The following CACNB2 variants were observed in gnomAD, a reference collection of about 807,000 sequenced individuals.
CACNB2 encodes the protein calcium voltage-gated channel auxiliary subunit beta 2.
A neutral mutation model predicts 73.3 loss-of-function variants in CACNB2; 42 were observed. The observed-to-expected ratio is 0.57, with a 90% CI of 0.45 to 0.74. The LOEUF is 0.74. Among genes scored for constraint, CACNB2 ranks in the 30% least tolerant of loss-of-function variants. The pLI, the probability that CACNB2 is intolerant of heterozygous loss-of-function variation, is 0.00. For missense variants in CACNB2, 940 were observed against 853.0 expected, an observed-to-expected ratio of 1.10 and a Z score of -1.27; for synonymous variants, 348 against 310.3, an observed-to-expected ratio of 1.12 and a Z score of -1.28.
intron 3 of CACNB2, among the ~76,000 whole-genome samples, chr10:18,418,395 A>G (rs960074220): frequency 9.2e-5 from 14 of 152,346 alleles, no homozygotes; most frequent in Middle Eastern, 3.4e-3. Flanking sequence ...CTGATTTCCT[A>G]CTAAAAATTA....
chr10:18,536,164 G>T lies in CACNB2; in HGVS notation c.1270G>T (p.Val424Leu). The T allele has an allele frequency of 6.2e-7, 1 of 1,604,194 alleles. No individual in the cohort carries two copies. The highest frequency in any genetic ancestry group is 8.5e-7 in the Non-Finnish European group (1 of 1,174,280). ...SQAKHLNVQM[V>L]AADKLAQCPP... ...AGCTAAACACCTCAACGTCCAGATGGTAGCAGCTGATAAACTGGCTCAGTG... is the reference window on the plus strand; with the variant it reads ...AGCTAAACACCTCAACGTCCAGATGTTAGCAGCTGATAAACTGGCTCAGTG... The change falls in exon 12 of 14, where the codon GTA becomes TTA. Residue 424 changes from valine (V) to leucine (L), a missense_variant. Coordinates refer to ENST00000324631, the MANE Select transcript of CACNB2 (RefSeq NM_201596.3).
intron 2 of CACNB2, among the ~76,000 whole-genome samples, chr10:18,308,826 T>TTGGG (rs1379158849): frequency 5.9e-5 from 9 of 152,204 alleles, no homozygotes; most frequent in Non-Finnish European, 1.3e-4. Context: ...GACAACTTTT[T>TTGGG]TGGGTGAACA....
chr10:18,429,153 AGAT>A (rs891533490), intron 3 of CACNB2, among the ~76,000 whole-genome samples: 28 of 152,202 alleles, frequency 1.8e-4, no homozygotes, highest in African/African-American at 6.8e-4. Flanking sequence ...TATTTATAGA[AGAT>A]AGTTTTGTTG....
chr10:18,420,350 G>T (rs772060197), intron 3 of CACNB2, among the ~76,000 whole-genome samples: 3 of 145,150 alleles, frequency 2.1e-5, no homozygotes, highest in Non-Finnish European at 4.6e-5. Context: ...GAGAGAGAGA[G>T]AAGTATATGG....
intron 2 of CACNB2, among the ~76,000 whole-genome samples, chr10:18,171,523 A>G (rs1200220061): frequency 9.8e-6 from 1 of 101,940 alleles, no homozygotes; most frequent in Non-Finnish European, 1.9e-5. Flanking sequence ...TGATAGCAGA[A>G]AAAAAAAAAA....
At chr10:18,445,840 C>G (rs1295572072) in intron 3 of CACNB2, among the ~76,000 whole-genome samples, 1 of 152,172 alleles carries the variant, frequency 6.6e-6, no homozygotes, top group Non-Finnish European at 1.5e-5. Flanking sequence ...TTGAGACCAG[C>G]CTGGTCAACA....
chr10:18,156,764 C>T (rs12246864), intron 2 of CACNB2, among the ~76,000 whole-genome samples: 5,072 of 152,034 alleles, frequency 0.033, 271 homozygotes, highest in African/African-American at 0.12. Context: ...CGTGGTGGCT[C>T]ACACCTGTAA....
At chr10:18,285,566 T>A (rs2038751012) in intron 2 of CACNB2, among the ~76,000 whole-genome samples, 1 of 152,198 alleles carries the variant, frequency 6.6e-6, no homozygotes, top group East Asian at 1.9e-4. Flanking sequence ...GTCAGAGTCC[T>A]CAAATGAAAA....
At chr10:18,491,271 A>G (rs2049406112) in intron 3 of CACNB2, among the ~76,000 whole-genome samples, 1 of 152,242 alleles carries the variant, frequency 6.6e-6, no homozygotes, top group African/African-American at 2.4e-5. Context: ...CCCCAGGGCC[A>G]TGATGCTGGA....
At chr10:18,448,497 AAAAAG>A (rs1222775786) in intron 3 of CACNB2, among the ~76,000 whole-genome samples, 3 of 141,470 alleles carry the variant, frequency 2.1e-5, no homozygotes. Flanking sequence ...AAAAAAAAAA[AAAAAG>A]AAAAGAAAAG....
At chr10:18,220,237 A>AGAGAGGGGGGGG (rs2035725098) in intron 2 of CACNB2, among the ~76,000 whole-genome samples, 10 of 48,440 alleles carry the variant, frequency 2.1e-4, no homozygotes, top group African/African-American at 1.2e-3. Context: ...ATATATAGAG[A>AGAGAGGGGGGGG]GAGAGAGAGA....
At chr10:18,477,525 A>G (rs2048500685) in intron 3 of CACNB2, among the ~76,000 whole-genome samples, 1 of 152,194 alleles carries the variant, frequency 6.6e-6, no homozygotes, top group African/African-American at 2.4e-5. Flanking sequence ...AGTCTCTGTG[A>G]CAGGTCTCAA....
chr10:18,366,893 T>A (rs1487132135), intron 2 of CACNB2, among the ~76,000 whole-genome samples: 2 of 152,234 alleles, frequency 1.3e-5, no homozygotes, highest in East Asian at 3.8e-4. Flanking sequence ...TGTCTTTTGG[T>A]GTCTGAGAGC....
In CACNB2 at chr10:18,539,332, C is replaced by G. The variant is rs202152674; in HGVS notation, c.1591C>G (p.Arg531Gly). The G allele has an allele frequency of 6.2e-6, 10 of 1,613,988 alleles. No homozygotes were observed. In the Admixed American group the frequency reaches 1.5e-4, roughly 24 times the overall value. ...GGAACCAGTCAAGAAATCCCAGCAC[C>G]GCTCTTCCTCCTCAGCCCCACACCA... ...SVEPVKKSQH[R>G]SSSSAPHHNH... is the part of the protein sequence containing the mutation. Residue 531 changes from arginine (R) to glycine (G), a missense_variant, in exon 14 of 14, where the codon CGC becomes GGC. Arg to Gly is a moderately radical substitution (Grantham distance 125). Coordinates refer to ENST00000324631, the MANE Select transcript of CACNB2 (RefSeq NM_201596.3).
At chr10:18,472,328 C>G (rs1362380376) in intron 3 of CACNB2, among the ~76,000 whole-genome samples, 3 of 145,614 alleles carry the variant, frequency 2.1e-5, no homozygotes, top group African/African-American at 7.7e-5. Context: ...CCTCTACCTC[C>G]TGGGTTCAAG....
intron 2 of CACNB2, among the ~76,000 whole-genome samples, chr10:18,350,089 C>G (rs1050201615): frequency 6.6e-6 from 1 of 151,842 alleles, no homozygotes; most frequent in Admixed American, 6.6e-5. Flanking sequence ...ACTAAAAATA[C>G]AAAAAATTAG....
chr10:18,265,990 C>A (rs1313830419), intron 2 of CACNB2, among the ~76,000 whole-genome samples: 5 of 152,134 alleles, frequency 3.3e-5, no homozygotes, highest in Non-Finnish European at 7.4e-5. Context: ...TCCACACTTT[C>A]CATAGTGTGT....
At chr10:18,371,830 G>C (rs902868011) in intron 2 of CACNB2, among the ~76,000 whole-genome samples, 1 of 152,178 alleles carries the variant, frequency 6.6e-6, no homozygotes, top group Non-Finnish European at 1.5e-5. Flanking sequence ...CAGTGTAAAA[G>C]TGTTCCTATT....
intron 2 of CACNB2, among the ~76,000 whole-genome samples, chr10:18,348,665 G>A (rs1462648051): frequency 1.3e-5 from 2 of 152,056 alleles, no homozygotes; most frequent in East Asian, 1.9e-4. Context: ...CACCATGCCC[G>A]GCTATTTTTG....
Sources: gnomAD v4.1 joint callset for allele counts (sites outside exome capture counted in the v4.1 genomes callset) on GRCh38, gnomAD v4.1.1 for gene constraint, MANE v1.5 for transcripts, NCBI Gene and HGNC (gene_info 2026-07-23, HGNC 2026-07-21) for gene names.